ADAMTS15: variants seen among roughly 807,000 people sequenced by gnomAD.
ADAMTS15 encodes ADAM metallopeptidase with thrombospondin type 1 motif 15.
ADAMTS15 carries 35 observed loss-of-function variants against 79.1 expected under a neutral mutation model. That is an observed-to-expected ratio of 0.44 (90% CI 0.34 to 0.59). The LOEUF is 0.59. ADAMTS15 is among the 20% of genes least tolerant of loss of function. The pLI is 0.02. For synonymous variants in ADAMTS15, 616 were observed against 567.3 expected (o/e 1.09, Z -1.22); for missense variants, 1,324 against 1,318.7 (o/e 1.00, Z -0.06).
rs1388416478 is a variant in ADAMTS15 at position 130,472,886 on chromosome 11, A to G, written c.2079-161A>G. On this transcript the variant is annotated intron_variant, in intron 7 of 7. Transcript: ENST00000299164. This position sits in a 1 kb window ranked among gnomAD's most constrained non-coding sequence, Gnocchi z 4.7. ...GAAGTTCAGCAGCTTTCCAGCACCA[A>G]TCGCCAAGGGGCAGGGACCTCTCTG... Among the ~76,000 whole-genome samples, 1 of 152,210 alleles carries G rather than the reference A, an allele frequency of 6.6e-6. No individual in the cohort carries two copies.
rs147042663 is a variant in ADAMTS15, at chr11:130,469,349, A to G, written c.1630A>G (p.Thr544Ala). Residue 544 changes from threonine (T) to alanine (A), a missense_variant, in exon 5 of 8, where the codon ACC (threonine) becomes GCC (alanine). Thr to Ala is a moderately conservative substitution (Grantham distance 58). Transcript: ENST00000299164. Reference sequence around the variant, plus strand: ...CGTGCAGCTGGCCAGGAGGCAGTGCACCAACCCCACCCCTGCCAACGGGGG... The same window carrying G: ...CGTGCAGCTGGCCAGGAGGCAGTGCGCCAACCCCACCCCTGCCAACGGGGG... ...GGVQLARRQC[T>A]NPTPANGGKY... 18 of 1,362,424 alleles carry G rather than the reference A, an allele frequency of 1.3e-5. No homozygotes were observed. In the Admixed American group the frequency reaches 1.5e-4, roughly 11 times the overall value. 84.4% of individuals were successfully genotyped at this position (1,362,424 alleles called of 1,614,324 possible).
At chr11:130,453,392 T>C (rs555168168) in intron 1 of ADAMTS15, among the ~76,000 whole-genome samples, 48 of 152,000 alleles carry the variant, frequency 3.2e-4, no homozygotes, top group African/African-American at 8.7e-4. Flanking sequence ...TGCTTCTTCA[T>C]TTATTTCTTT....
At chr11:130,459,030 T>TG (rs1938146300) in intron 1 of ADAMTS15, among the ~76,000 whole-genome samples, 1 of 136,560 alleles carries the variant, frequency 7.3e-6, no homozygotes, top group African/African-American at 2.8e-5. Context: ...CAAGTGTTTT[T>TG]TTTTTTTTTT....
rs1236768058 is a variant in ADAMTS15, at chr11:130,449,018, C to T, written c.45C>T (p.Thr15=). ...GILTLAFAGR[T]AGGSEPEREV... ...TAACCCTGGCTTTCGCCGGGCGAAC[C>T]GCTGGAGGCTCTGAGCCAGAGCGGG... Residue 15 remains threonine, a synonymous_variant, in exon 1 of 8, where the codon ACC becomes ACT. Transcript: ENST00000299164. The surrounding 1 kb of genome is among the most constrained non-coding windows in gnomAD (Gnocchi z 7.8). The T allele has an allele frequency of 3.3e-6, 5 of 1,513,588 alleles. No individual in the cohort carries two copies. The highest frequency in any genetic ancestry group is 1.4e-5 in the African/African-American group (1 of 71,560). 93.8% of individuals were successfully genotyped at this position (1,513,588 alleles called of 1,614,324 possible).
chr11:130,449,463 G>A lies in ADAMTS15; in HGVS notation c.490G>A (p.Gly164Ser), dbSNP rs1937912030. Residue 164 changes from glycine (G) to serine (S), a missense_variant, in exon 1 of 8, where the codon GGC becomes AGC. Gly to Ser is a moderately conservative substitution (Grantham distance 56). Coordinates refer to ENST00000299164, the MANE Select transcript of ADAMTS15 (RefSeq NM_139055.4). The surrounding 1 kb of genome is among the most constrained non-coding windows in gnomAD (Gnocchi z 7.8). ...AHLLQRRGVP[G>S]GPSGDPTSRC... ...CCTTCTCCAGCGCCGGGGTGTTCCGGGCGGGCCTTCCGGAGACCCCACCTC... is the reference window on the plus strand; with the variant it reads ...CCTTCTCCAGCGCCGGGGTGTTCCGAGCGGGCCTTCCGGAGACCCCACCTC... 1 of 1,572,976 alleles carries A rather than the reference G, an allele frequency of 6.4e-7. No homozygotes were observed. The highest frequency in any genetic ancestry group is 8.6e-7 in the Non-Finnish European group (1 of 1,163,262).
At chr11:130,450,236 G>A in intron 1 of ADAMTS15, 1 of 985,474 alleles carries the variant, frequency 1.0e-6, no homozygotes. Flanking sequence ...TTGCCGCCCC[G>A]GAGCTGCAGT....
chr11:130,469,284 G>A lies in ADAMTS15; in HGVS notation c.1565G>A (p.Trp522Ter). 7.1e-7 allele frequency: 1 copy of A among 1,401,968 alleles called. No homozygotes were observed. Among genetic ancestry groups the A allele is most frequent in the Non-Finnish European group, 9.3e-7 (1 of 1,073,538 alleles). 86.8% of individuals were successfully genotyped at this position (1,401,968 alleles called of 1,614,324 possible). A position where few individuals can be genotyped will look rare whatever the true frequency, so the allele number is the denominator to read the frequency against. The change falls in exon 5 of 8, where the codon TGG becomes TAG. Residue 522 changes from tryptophan (W) to a stop codon, truncating the protein, a stop_gained. Coordinates refer to ENST00000299164, the MANE Select transcript of ADAMTS15 (RefSeq NM_139055.4). LOFTEE classifies it high-confidence loss of function. ...CAGGTGGATGGTTCCTGGGCCAAAT[G>A]GGATCCCTATGGCCCCTGCTCGCGC... ...KHRVDGSWAK[W>*]DPYGPCSRTC... is the part of the protein sequence containing the mutation.
intron 1 of ADAMTS15, among the ~76,000 whole-genome samples, chr11:130,458,653 A>C (rs1407191626): frequency 6.6e-6 from 1 of 152,226 alleles, no homozygotes; most frequent in Non-Finnish European, 1.5e-5. Context: ...AAGGCCCCGA[A>C]GAGAGAGGAC....
At chr11:130,458,369 C>T (rs1938131675) in intron 1 of ADAMTS15, among the ~76,000 whole-genome samples, 1 of 152,204 alleles carries the variant, frequency 6.6e-6, no homozygotes, top group South Asian at 2.1e-4. Flanking sequence ...CTGGTCTAGG[C>T]ATTTCTGAAG....
At position 130,473,982 on chromosome 11, in the gene ADAMTS15, C is replaced by T. The variant is rs993237622; in HGVS notation, c.*161C>T. 6.0e-6 allele frequency: 6 copies of T among 1,006,654 alleles called. No homozygotes were observed. In the African/African-American group the frequency reaches 9.8e-5, roughly 16 times the overall value. The allele number at this position is 1,006,654 out of a possible 1,614,324, so 62.4% of individuals were successfully genotyped here. A position where few individuals can be genotyped will look rare whatever the true frequency, so the allele number is the denominator to read the frequency against. On this transcript the variant is annotated 3_prime_UTR_variant, in exon 8 of 8. Coordinates refer to ENST00000299164, the MANE Select transcript of ADAMTS15 (RefSeq NM_139055.4). Reference sequence around the variant, plus strand: ...GGGCTGGGGCGAGAGGTTCCCTCCTCCTCCCTGGACTGGGCAGAGGGAAGC... The same window carrying T: ...GGGCTGGGGCGAGAGGTTCCCTCCTTCTCCCTGGACTGGGCAGAGGGAAGC...
At chr11:130,460,741 G>T (rs955980915) in intron 1 of ADAMTS15, among the ~76,000 whole-genome samples, 1 of 152,116 alleles carries the variant, frequency 6.6e-6, no homozygotes, top group Non-Finnish European at 1.5e-5. Context: ...GCGTCCCCTG[G>T]GAATACTTCC....
Position 130,449,745 on chromosome 11 carries a change from A to T in ADAMTS15, c.772A>T (p.Ile258Phe), listed in dbSNP as rs1225489425. 2 of 1,612,850 alleles carry T rather than the reference A, an allele frequency of 1.2e-6. No homozygotes were observed. The highest frequency in any genetic ancestry group is 1.7e-6 in the Non-Finnish European group (2 of 1,179,990). Residue 258 changes from isoleucine (I) to phenylalanine (F), a missense_variant, in exon 1 of 8, where the codon ATC becomes TTC. Coordinates refer to ENST00000299164, the MANE Select transcript of ADAMTS15 (RefSeq NM_139055.4). The surrounding 1 kb of genome is among the most constrained non-coding windows in gnomAD (Gnocchi z 7.8). ...GGCGCGACTCTACCGCCATCCCAGC[A>T]TCCTCAACCCCATCAACATCGTTGT... The part of the protein sequence containing the change: ...TAARLYRHPS[I>F]LNPINIVVVK...
rs966466184 is a variant in ADAMTS15 at position 130,449,305 on chromosome 11, C to T, written c.332C>T (p.Pro111Leu). ...TATTCTGGGGACGTGAACGCCGAGC[C>T]GGACTCGTTCGCTGCTGTGAGCCTG... is the stretch of plus-strand genomic sequence containing the variant. Reference protein sequence around the residue: ...CFYSGDVNAEPDSFAAVSLCG... With the variant: ...CFYSGDVNAELDSFAAVSLCG... Residue 111 changes from proline (P) to leucine (L), a missense_variant, in exon 1 of 8, where the codon CCG (proline) becomes CTG (leucine). Coordinates refer to ENST00000299164, the MANE Select transcript of ADAMTS15 (RefSeq NM_139055.4). The surrounding 1 kb of genome is among the most constrained non-coding windows in gnomAD (Gnocchi z 7.8). 1 of 1,610,894 alleles carries T rather than the reference C, an allele frequency of 6.2e-7. No homozygotes were observed. Among genetic ancestry groups the T allele is most frequent in the Non-Finnish European group, 8.5e-7 (1 of 1,180,014 alleles).
In ADAMTS15 at chr11:130,470,131, T is replaced by TAC. The variant is rs372378417; in HGVS notation, c.1720+694_1720+695dup. Among the ~76,000 whole-genome samples, 140 of 87,624 alleles carry TAC rather than the reference T, an allele frequency of 1.6e-3. 7 individuals are homozygous for TAC. The highest frequency in any genetic ancestry group is 2.5e-3 in the Non-Finnish European group (115 of 45,744). 57.5% of individuals were successfully genotyped at this position (87,624 alleles called of 152,430 possible). The stretch of plus-strand genomic sequence containing the variant: ...TTCATTACTGAATCATATATATATA[T>TAC]ACATATATATATATATATATGTGTA... On this transcript the variant is annotated intron_variant, in intron 5 of 7. Transcript: ENST00000299164.
At chr11:130,468,551 G>T (rs1206825808) in intron 4 of ADAMTS15, among the ~76,000 whole-genome samples, 1 of 151,852 alleles carries the variant, frequency 6.6e-6, no homozygotes, top group East Asian at 1.9e-4. Flanking sequence ...GGATCACGAG[G>T]TCAGGAGATC....
At chr11:130,468,278 A>C (rs1938344477) in intron 4 of ADAMTS15, among the ~76,000 whole-genome samples, 1 of 152,164 alleles carries the variant, frequency 6.6e-6, no homozygotes, top group Non-Finnish European at 1.5e-5. Flanking sequence ...CGGAAAGCTA[A>C]GGAGGGTTTG....
intron 5 of ADAMTS15, among the ~76,000 whole-genome samples, chr11:130,469,975 G>T (rs935200059): frequency 1.3e-5 from 2 of 150,968 alleles, no homozygotes; most frequent in African/African-American, 4.9e-5. Flanking sequence ...AACTACAATA[G>T]TAGTAGAAGT....
In ADAMTS15 at chr11:130,472,199, G is replaced by A. The variant is rs73571297; in HGVS notation, c.2078+816G>A. On this transcript the variant is annotated intron_variant, in intron 7 of 7. Coordinates refer to ENST00000299164, the MANE Select transcript of ADAMTS15 (RefSeq NM_139055.4). This position sits in a 1 kb window ranked among gnomAD's most constrained non-coding sequence, Gnocchi z 4.7. The stretch of plus-strand genomic sequence containing the variant: ...TGGCCTAGAAAATTTGGGAGCCCAG[G>A]TGCTGGTGATGGAAAGGCCTAGATG... 0.016 allele frequency among the ~76,000 whole-genome samples: 2,383 copies of A among 152,326 alleles called. 64 individuals are homozygous for A. The highest frequency in any genetic ancestry group is 0.054 in the African/African-American group (2,249 of 41,564).
intron 1 of ADAMTS15, among the ~76,000 whole-genome samples, chr11:130,460,919 C>G (rs892480433): frequency 1.3e-5 from 2 of 152,172 alleles, no homozygotes; most frequent in African/African-American, 4.8e-5. Flanking sequence ...TGAAACTGTG[C>G]CGGGATGGGG....
Sources: allele counts gnomAD v4.1 joint callset (sites outside exome capture counted in the v4.1 genomes callset), GRCh38; gene constraint gnomAD v4.1.1; non-coding constraint Gnocchi (gnomAD v3.1); transcripts MANE v1.5; gene names NCBI Gene and HGNC (gene_info 2026-07-23, HGNC 2026-07-21).